The following WDPCP variants were observed in gnomAD, a reference collection of about 807,000 sequenced individuals.
The protein encoded by WDPCP is WD repeat containing planar cell polarity effector.
A neutral mutation model predicts 93.1 loss-of-function variants in WDPCP; 71 were observed. The observed-to-expected ratio is 0.76, with a 90% CI of 0.63 to 0.93. The LOEUF (loss-of-function observed/expected upper bound fraction) is 0.93. Among genes scored for constraint, WDPCP ranks in the 40% least tolerant of loss-of-function variants. The probability of loss-of-function intolerance (pLI) is 0.00; values close to 1 mark genes in which losing one functional copy is unlikely to be tolerated. For synonymous variants in WDPCP, 315 were observed against 315.0 expected (o/e 1.00, Z 0.00); for missense variants, 844 against 887.4 (o/e 0.95, Z 0.62).
intron 2 of WDPCP, among the ~76,000 whole-genome samples, chr2:63,716,261 G>A (rs371563398): frequency 6.6e-6 from 1 of 152,164 alleles, no homozygotes; most frequent in Non-Finnish European, 1.5e-5. Flanking sequence ...TAACTTAATA[G>A]ACCTCTCTGC....
At chr2:63,402,590 T>C (rs1242397547) in intron 10 of WDPCP, among the ~76,000 whole-genome samples, 1 of 152,038 alleles carries the variant, frequency 6.6e-6, no homozygotes, top group Non-Finnish European at 1.5e-5. Flanking sequence ...GTATCACTGA[T>C]TATTAGAGAA....
chr2:63,337,996 T>C (rs1688509874), intron 12 of WDPCP, among the ~76,000 whole-genome samples: 1 of 152,200 alleles, frequency 6.6e-6, no homozygotes, highest in African/African-American at 2.4e-5. Flanking sequence ...GAAACTTTTT[T>C]GCTTGAGGTA....
chr2:63,566,888 T>C (rs1008070507), intron 1 of WDPCP, among the ~76,000 whole-genome samples: 3 of 152,160 alleles, frequency 2.0e-5, no homozygotes, highest in African/African-American at 4.8e-5. Flanking sequence ...GAATGGCTCA[T>C]AGAACTCAGA....
intron 2 of WDPCP, among the ~76,000 whole-genome samples, chr2:63,803,252 A>T (rs929655110): frequency 6.6e-6 from 1 of 152,230 alleles, no homozygotes; most frequent in Non-Finnish European, 1.5e-5. Context: ...AATGCTGTTA[A>T]GTATGACCTG....
Position 63,369,390 on chromosome 2 carries a change from G to A in WDPCP, c.1748+8996C>T, listed in dbSNP as rs567588445. ...TGAGGTCAACAACTGTCTTGATCAGGAGTATGGTGGGTCTGCAGATGCAGT... is the reference window on the plus strand; with the variant it reads ...TGAGGTCAACAACTGTCTTGATCAGAAGTATGGTGGGTCTGCAGATGCAGT... On this transcript the variant is annotated intron_variant, in intron 12 of 17. Coordinates refer to ENST00000272321, the MANE Select transcript of WDPCP (RefSeq NM_015910.7). 7.7e-5 allele frequency: 35 copies of A among 456,576 alleles called. No individual in the cohort carries two copies. In the East Asian group the frequency reaches 2.4e-3, roughly 31 times the overall value. 28.3% of individuals were successfully genotyped at this position (456,576 alleles called of 1,614,324 possible).
At chr2:63,244,362 T>C (rs1414186368) in intron 14 of WDPCP, among the ~76,000 whole-genome samples, 1 of 151,774 alleles carries the variant, frequency 6.6e-6, no homozygotes, top group Non-Finnish European at 1.5e-5. Flanking sequence ...AAAGAAATAA[T>C]ATCAGAGCAA....
intron 13 of WDPCP, among the ~76,000 whole-genome samples, chr2:63,288,934 G>T (rs1201806697): frequency 6.6e-6 from 1 of 151,836 alleles, no homozygotes; most frequent in African/African-American, 2.4e-5. Context: ...GACTAGATTT[G>T]GGTTATGCAT....
At chr2:63,523,765 G>A (rs571756882) in intron 1 of WDPCP, among the ~76,000 whole-genome samples, 22 of 148,780 alleles carry the variant, frequency 1.5e-4, no homozygotes, top group African/African-American at 4.5e-4. Flanking sequence ...TACAAAATTC[G>A]CTGGGCATGG....
intron 13 of WDPCP, among the ~76,000 whole-genome samples, chr2:63,278,612 G>C (rs1340895097): frequency 1.3e-5 from 2 of 152,250 alleles, no homozygotes; most frequent in East Asian, 3.9e-4. Context: ...CAGATCATGA[G>C]GTCAGGAGAT....
Position 63,588,470 on chromosome 2 carries a change from A to G in WDPCP, c.-199T>C, listed in dbSNP as rs1709038741. The G allele has an allele frequency of 1.5e-6, 1 of 669,716 alleles. No homozygotes were observed. Among genetic ancestry groups the G allele is most frequent in the African/African-American group, 1.8e-5 (1 of 55,702 alleles). 41.5% of individuals were successfully genotyped at this position (669,716 alleles called of 1,614,324 possible). On this transcript the variant is annotated 5_prime_UTR_variant, in exon 1 of 18. Transcript: ENST00000272321. The stretch of plus-strand genomic sequence containing the variant: ...ACCTGAGAAGCTGTCCGGTCGTCCC[A>G]ACTTATCAATTCCCCCGCCCCTCCA...
At chr2:63,530,747 C>T (rs1703766573) in intron 1 of WDPCP, among the ~76,000 whole-genome samples, 1 of 152,174 alleles carries the variant, frequency 6.6e-6, no homozygotes, top group African/African-American at 2.4e-5. Flanking sequence ...CAAATAGGAA[C>T]AGCTCCAGGC....
intron 12 of WDPCP, among the ~76,000 whole-genome samples, chr2:63,334,395 A>T (rs1175001020): frequency 6.6e-6 from 1 of 152,176 alleles, no homozygotes; most frequent in Non-Finnish European, 1.5e-5. Context: ...GAGACATGTG[A>T]CATCAATCAA....
At chr2:63,373,669 T>C (rs1691601800) in intron 12 of WDPCP, among the ~76,000 whole-genome samples, 1 of 151,916 alleles carries the variant, frequency 6.6e-6, no homozygotes, top group African/African-American at 2.4e-5. Context: ...TCTCATTGTG[T>C]GTTTTCTATT....
chr2:63,337,321 C>CG (rs1688455421), intron 12 of WDPCP, among the ~76,000 whole-genome samples: 1 of 51,974 alleles, frequency 1.9e-5, no homozygotes, highest in South Asian at 7.9e-4. Flanking sequence ...GACATGATTT[C>CG]ATTTTTGATG....
In WDPCP at chr2:63,487,491, C is replaced by T. The variant is rs267606693; in HGVS notation, c.164G>A (p.Arg55Lys). 6.3e-7 allele frequency: 1 copy of T among 1,591,836 alleles called. No homozygotes were observed. The highest frequency in any genetic ancestry group is 8.6e-7 in the Non-Finnish European group (1 of 1,161,090). Reference protein sequence around the residue: ...SLKNTLHIADRDIGIYQYYDK... With the variant: ...SLKNTLHIADKDIGIYQYYDK... ...ATAATACTGGTAGATCCCAATGTCT[C>T]TATCTATAGAAAGGAAGAAATAACA... The change falls in exon 3 of 18, where the codon AGA (arginine) becomes AAA (lysine). Residue 55 changes from arginine to lysine, a missense_variant. Physicochemically the swap from Arg to Lys is conservative, Grantham distance 26 (BLOSUM62 2). Coordinates refer to ENST00000272321, the MANE Select transcript of WDPCP (RefSeq NM_015910.7).
At chr2:63,147,119 A>G (rs2103766363) in intron 17 of WDPCP, among the ~76,000 whole-genome samples, 1 of 152,332 alleles carries the variant, frequency 6.6e-6, no homozygotes, top group African/African-American at 2.4e-5. Context: ...AGTGGCAGGA[A>G]ATAAAACTGG....
At chr2:63,565,871 T>A (rs556304724) in intron 1 of WDPCP, among the ~76,000 whole-genome samples, 1 of 152,308 alleles carries the variant, frequency 6.6e-6, no homozygotes, top group South Asian at 2.1e-4. Context: ...CATCTGCAGG[T>A]ACATATATAG....
At chr2:63,620,353 T>C (rs1709722345) in intron 3 of WDPCP, among the ~76,000 whole-genome samples, 1 of 152,156 alleles carries the variant, frequency 6.6e-6, no homozygotes, top group South Asian at 2.1e-4. Flanking sequence ...GCATCCACTA[T>C]TACTGAGACT....
rs1388265759 is a variant in WDPCP at position 63,749,613 on chromosome 2, C to T, written n.308+64009G>A. ...GTAGGCTAATGTAGGCGTTTTAGCA[C>T]CCAACTACCTGTTTAAGGTAGGCTA... is the stretch of plus-strand genomic sequence containing the variant. On this transcript the variant is annotated intron_variant and non_coding_transcript_variant, in intron 2 of 4. Coordinates refer to the WDPCP transcript ENST00000467687. Among the ~76,000 whole-genome samples the T allele has an allele frequency of 4.6e-5, 7 of 152,054 alleles. No individual in the cohort carries two copies. In the East Asian group the frequency reaches 1.2e-3, roughly 25 times the overall value.
Sources: allele counts gnomAD v4.1 joint callset (sites outside exome capture counted in the v4.1 genomes callset), GRCh38; gene constraint gnomAD v4.1.1; transcripts MANE v1.5; gene names NCBI Gene and HGNC (gene_info 2026-07-23, HGNC 2026-07-21).